The following RBFOX1 variants were observed in gnomAD, a reference collection of about 807,000 sequenced individuals.
RBFOX1 encodes the protein RNA binding fox-1 homolog 1.
A neutral mutation model predicts 57.7 loss-of-function variants in RBFOX1; 8 were observed. The ratio of observed to expected loss-of-function variants is 0.14; its 90% CI spans 0.08 to 0.25. RBFOX1 has a LOEUF of 0.25. Ranked by LOEUF, RBFOX1 falls within the 10% of genes least tolerant of loss-of-function variation. The pLI is 1.00. For synonymous variants in RBFOX1, 326 were observed against 222.4 expected (o/e 1.47, Z -4.15); for missense variants, 611 against 548.5 (o/e 1.11, Z -1.14).
At chr16:7,367,966 A>C (rs1232313144) in intron 4 of RBFOX1, among the ~76,000 whole-genome samples, 1 of 151,890 alleles carries the variant, frequency 6.6e-6, no homozygotes, top group Non-Finnish European at 1.5e-5. Flanking sequence ...CCAGTTTATA[A>C]TCTTTACTCT....
chr16:7,696,240 G>A (rs1368808857), intron 14 of RBFOX1, among the ~76,000 whole-genome samples: 1 of 152,178 alleles, frequency 6.6e-6, no homozygotes, highest in Admixed American at 6.5e-5. Flanking sequence ...CCCAAAGAAT[G>A]TGTGCTCTGT....
chr16:5,629,682 G>C lies in RBFOX1; in HGVS notation c.318+30721G>C, dbSNP rs1596511322. ...GTTGCTCTGAGCCTTGGCTTTTTAT[G>C]TGCTTACCTCCCTTCCTTTCAGCTT... On this transcript the variant is annotated intron_variant, in intron 3 of 19. Coordinates refer to the RBFOX1 transcript ENST00000641259. Among the ~76,000 whole-genome samples, 3 of 152,148 alleles carry C rather than the reference G, an allele frequency of 2.0e-5. No homozygotes were observed. The East Asian group carries it at 5.8e-4, about 29-fold the overall frequency.
chr16:6,554,704 C>T (rs1191423390), intron 2 of RBFOX1, among the ~76,000 whole-genome samples: 1 of 151,214 alleles, frequency 6.6e-6, no homozygotes, highest in Non-Finnish European at 1.5e-5. Context: ...TCAGTCCATC[C>T]TCTGGCCTCC....
At chr16:5,559,841 C>G (rs931108181) in intron 2 of RBFOX1, among the ~76,000 whole-genome samples, 1 of 152,178 alleles carries the variant, frequency 6.6e-6, no homozygotes, top group Non-Finnish European at 1.5e-5. Flanking sequence ...CCCCTGCCTA[C>G]TTCTGCAAGC....
chr16:6,783,312 C>G (rs557146177), intron 3 of RBFOX1, among the ~76,000 whole-genome samples: 1 of 149,666 alleles, frequency 6.7e-6, no homozygotes, highest in Non-Finnish European at 1.5e-5. Context: ...TTAGTTCTCT[C>G]TTCCTTTTTT....
intron 3 of RBFOX1, among the ~76,000 whole-genome samples, chr16:7,042,935 T>G (rs994872106): frequency 1.3e-5 from 2 of 152,132 alleles, no homozygotes; most frequent in African/African-American, 2.4e-5. Flanking sequence ...CAAAAATAAA[T>G]AAATAAATAA....
chr16:7,026,020 G>T (rs1057208723), intron 3 of RBFOX1, among the ~76,000 whole-genome samples: 1 of 152,176 alleles, frequency 6.6e-6, no homozygotes, highest in African/African-American at 2.4e-5. Context: ...TCAGACCCCA[G>T]ACCAAGAAGG....
intron 2 of RBFOX1, among the ~76,000 whole-genome samples, chr16:6,640,200 TATG>T (rs2098475782): frequency 6.6e-6 from 1 of 152,216 alleles, no homozygotes; most frequent in South Asian, 2.1e-4. Context: ...TCTCAAATAT[TATG>T]GTGAATTATT....
intron 4 of RBFOX1, among the ~76,000 whole-genome samples, chr16:7,413,388 C>G (rs1028387925): frequency 6.6e-6 from 1 of 152,198 alleles, no homozygotes; most frequent in African/African-American, 2.4e-5. Context: ...TTGTTAAAAC[C>G]TAGATGTCCA....
intron 3 of RBFOX1, among the ~76,000 whole-genome samples, chr16:6,804,468 C>G (rs1309821813): frequency 6.6e-6 from 1 of 152,122 alleles, no homozygotes; most frequent in Non-Finnish European, 1.5e-5. Context: ...TACACGCCCT[C>G]CAATGGAACT....
intron 1 of RBFOX1, among the ~76,000 whole-genome samples, chr16:5,321,010 G>A (rs933321819): frequency 6.6e-6 from 1 of 152,150 alleles, no homozygotes; most frequent in Non-Finnish European, 1.5e-5. Context: ...TTATTTCCAC[G>A]TGTTGCTGCT....
rs537203137 is a variant in RBFOX1, at chr16:7,094,381, C to T, written c.27+42283C>T. The stretch of plus-strand genomic sequence containing the variant: ...TGCCCATTGTCTTCCATTTATTATC[C>T]GAAGACATTCCAGGTGAAAAAAAAC... On this transcript the variant is annotated intron_variant, in intron 4 of 15. Transcript: ENST00000550418. Among the ~76,000 whole-genome samples the T allele has an allele frequency of 2.7e-5, 4 of 148,574 alleles. No homozygotes were observed. In the East Asian group the frequency reaches 5.9e-4, roughly 22 times the overall value.
At chr16:6,380,845 C>G (rs1362099664) in intron 2 of RBFOX1, among the ~76,000 whole-genome samples, 9 of 152,218 alleles carry the variant, frequency 5.9e-5, no homozygotes, top group Non-Finnish European at 1.3e-4. Context: ...CAAAGCGCCT[C>G]CTTCCCTTCA....
At chr16:6,145,136 G>A (rs2096747962) in intron 1 of RBFOX1, among the ~76,000 whole-genome samples, 1 of 151,840 alleles carries the variant, frequency 6.6e-6, no homozygotes, top group African/African-American at 2.4e-5. Flanking sequence ...CATCACCTAG[G>A]TATTAAGCCT....
At chr16:7,477,402 G>A (rs773725598) in intron 4 of RBFOX1, among the ~76,000 whole-genome samples, 4 of 152,268 alleles carry the variant, frequency 2.6e-5, no homozygotes, top group African/African-American at 4.8e-5. Flanking sequence ...GGGTTTACCC[G>A]TGGGGGGTCG....
chr16:7,373,311 G>A (rs1191900693), intron 4 of RBFOX1, among the ~76,000 whole-genome samples: 1 of 152,078 alleles, frequency 6.6e-6, no homozygotes, highest in African/African-American at 2.4e-5. Context: ...TTTGAATTTA[G>A]AACATAAAGA....
chr16:7,184,385 T>A (rs1337498757), intron 4 of RBFOX1, among the ~76,000 whole-genome samples: 1 of 152,208 alleles, frequency 6.6e-6, no homozygotes, highest in Non-Finnish European at 1.5e-5. Context: ...GAGGTTTTAG[T>A]AGAAGTCTAG....
At chr16:6,570,142 A>G (rs879788261) in intron 2 of RBFOX1, among the ~76,000 whole-genome samples, 1 of 152,204 alleles carries the variant, frequency 6.6e-6, no homozygotes, top group South Asian at 2.1e-4. Context: ...ATCTGACTAC[A>G]CTAATTTCGT....
chr16:6,257,784 A>G (rs1332963855), intron 1 of RBFOX1, among the ~76,000 whole-genome samples: 1 of 152,232 alleles, frequency 6.6e-6, no homozygotes, highest in Non-Finnish European at 1.5e-5. Context: ...ATAGTATTCC[A>G]TAATGGATAT....
Sources: allele counts gnomAD v4.1 joint callset (sites outside exome capture counted in the v4.1 genomes callset), GRCh38; gene constraint gnomAD v4.1.1; transcripts MANE v1.5; gene names NCBI Gene and HGNC (gene_info 2026-07-23, HGNC 2026-07-21).